The following PSTPIP2 variants were observed in gnomAD, a reference collection of about 807,000 sequenced individuals.
The protein encoded by PSTPIP2 is proline-serine-threonine phosphatase-interacting protein 2.
PSTPIP2 carries 33 observed loss-of-function variants against 63.3 expected under a neutral mutation model. The observed-to-expected ratio is 0.52, with a 90% CI of 0.40 to 0.70. The LOEUF is 0.70. PSTPIP2 is among the 30% of genes least tolerant of loss of function. PSTPIP2 has a pLI of 0.00. For synonymous variants in PSTPIP2, 125 were observed against 132.7 expected, an observed-to-expected ratio of 0.94 and a Z score of 0.40; for missense variants, 312 against 400.7, an observed-to-expected ratio of 0.78 and a Z score of 1.89.
chr18:46,064,979 T>C (rs2144136708), intron 1 of PSTPIP2, among the ~76,000 whole-genome samples: 2 of 151,528 alleles, frequency 1.3e-5, no homozygotes, highest in Admixed American at 1.3e-4. Context: ...ACCTCATCTC[T>C]ACTAAAAATA....
intron 3 of PSTPIP2, 81 bp from the exon 4 acceptor site, chr18:46,016,018 C>T: frequency 1.3e-6 from 2 of 1,482,172 alleles, no homozygotes; most frequent in East Asian, 4.8e-5. Flanking sequence ...GCATGCTTCT[C>T]TCTGCCCATA....
In PSTPIP2 at chr18:45,998,809, C is replaced by A. The variant is rs199673954; in HGVS notation, c.547G>T (p.Ala183Ser). ...GCCCCCTCACCTGAGTCCTCTACTG[C>A]GGTCTTTGAAGTTGCCAGTTTCACA... ...LFVKLATSKT[A>S]VEDSDKAYML... Residue 183 changes from alanine (A) to serine (S), a missense_variant, in exon 8 of 15, where the codon GCA (alanine) becomes TCA (serine). Physicochemically the swap from Ala to Ser is moderately conservative, Grantham distance 99 (BLOSUM62 1). Transcript: ENST00000409746. The A allele has an allele frequency of 4.4e-5, 71 of 1,613,778 alleles. No individual in the cohort carries two copies. The highest frequency in any genetic ancestry group is 1.3e-5 in the African/African-American group (1 of 74,848).
At chr18:46,057,441 C>T (rs1908799786) in intron 1 of PSTPIP2, among the ~76,000 whole-genome samples, 1 of 151,754 alleles carries the variant, frequency 6.6e-6, no homozygotes, top group East Asian at 2.0e-4. Flanking sequence ...GATTCTTCTG[C>T]CTCAGCCTCC....
intron 4 of PSTPIP2, 103 bp from the exon 5 acceptor site, chr18:46,011,390 G>C (rs1262127004): frequency 2.1e-6 from 2 of 931,408 alleles, no homozygotes; most frequent in Non-Finnish European, 3.2e-6. Flanking sequence ...ACTGGAGTAA[G>C]TGGTAAAATC....
chr18:46,025,518 A>G (rs989306474), intron 2 of PSTPIP2, among the ~76,000 whole-genome samples: 1 of 151,890 alleles, frequency 6.6e-6, no homozygotes, highest in Non-Finnish European at 1.5e-5. Context: ...TGTAACTTTC[A>G]TGTTTATGTA....
chr18:46,024,825 A>T (rs926421222), intron 2 of PSTPIP2, 139 bp from the exon 3 acceptor site: 2 of 661,378 alleles, frequency 3.0e-6, no homozygotes, highest in East Asian at 5.2e-5. Context: ...AAAATGCAAG[A>T]CTCCCTCTGT....
intron 5 of PSTPIP2, chr18:46,010,871 T>C (rs1599712223): frequency 4.1e-6 from 1 of 245,652 alleles, no homozygotes; most frequent in Admixed American, 4.9e-5. Flanking sequence ...CCAGCTGGGA[T>C]GTGCTAGAGT....
chr18:46,015,795 T>G, intron 4 of PSTPIP2, 108 bp downstream of exon 4: 2 of 1,277,466 alleles, frequency 1.6e-6, no homozygotes, highest in Non-Finnish European at 2.2e-6. Flanking sequence ...GCTCTAATTT[T>G]TTTTCACCCA....
In PSTPIP2 at chr18:46,024,630, G is replaced by A. The variant is rs752901804; in HGVS notation, c.191C>T (p.Pro64Leu). 9 of 1,613,920 alleles carry A rather than the reference G, an allele frequency of 5.6e-6. No homozygotes were observed. The highest frequency in any genetic ancestry group is 3.3e-5 in the Admixed American group (2 of 59,984). Residue 64 changes from proline to leucine, a missense_variant, in exon 3 of 15, where the codon CCG becomes CTG. Pro to Leu is a moderately conservative substitution (Grantham distance 98). Transcript: ENST00000409746. ...ATACTTGATTTCAGACTGTCCACAC[G>A]GCTTCTTCCTAGAGAGGTTGAGCAG... ...KDLLNLSRKK[P>L]CGQSEINTLK...
chr18:45,997,549 T>C (rs889160439), intron 9 of PSTPIP2, among the ~76,000 whole-genome samples, 200 bp downstream of exon 9: 3 of 151,578 alleles, frequency 2.0e-5, no homozygotes, highest in Admixed American at 1.3e-4. Context: ...GGGCAGATCA[T>C]TTCTACAAAA....
At chr18:46,003,657 T>C (rs1259878850) in intron 6 of PSTPIP2, among the ~76,000 whole-genome samples, 2 of 152,022 alleles carry the variant, frequency 1.3e-5, no homozygotes, top group Admixed American at 6.6e-5. Flanking sequence ...CAGTCTGTGA[T>C]AAATGAGGCA....
intron 1 of PSTPIP2, 142 bp from the exon 2 acceptor site, chr18:46,040,189 G>T (rs1908140844): frequency 3.6e-6 from 2 of 556,102 alleles, no homozygotes; most frequent in South Asian, 4.9e-5. Context: ...CCACTTAGGA[G>T]CCTGTCAGGC....
At chr18:46,040,901 G>C (rs1908167610) in intron 1 of PSTPIP2, 1 of 415,694 alleles carries the variant, frequency 2.4e-6, no homozygotes, top group Non-Finnish European at 4.9e-6. Flanking sequence ...GGCCAGGAGA[G>C]GGAGAAGGAG....
At chr18:46,044,573 A>G (rs1312911677) in intron 1 of PSTPIP2, among the ~76,000 whole-genome samples, 1 of 152,222 alleles carries the variant, frequency 6.6e-6, no homozygotes, top group Non-Finnish European at 1.5e-5. Flanking sequence ...AAACCTAGGC[A>G]TTACCATTCA....
chr18:46,057,861 G>T (rs1908822329), intron 1 of PSTPIP2, among the ~76,000 whole-genome samples: 1 of 151,768 alleles, frequency 6.6e-6, no homozygotes, highest in Admixed American at 6.6e-5. Context: ...AGCCGGGCGT[G>T]GTGGCGGGCG....
chr18:45,990,309 C>A (rs2051512751), intron 13 of PSTPIP2, among the ~76,000 whole-genome samples: 1 of 152,208 alleles, frequency 6.6e-6, no homozygotes, highest in Admixed American at 6.5e-5. Context: ...AATATAGGCT[C>A]ATTCTCTTGG....
At chr18:46,043,626 T>G (rs961076445) in intron 1 of PSTPIP2, among the ~76,000 whole-genome samples, 2 of 152,194 alleles carry the variant, frequency 1.3e-5, no homozygotes, top group African/African-American at 4.8e-5. Context: ...TCACTACTTC[T>G]ATTCAACACA....
chr18:46,037,915 T>A lies in PSTPIP2; in HGVS notation c.134+2032A>T, dbSNP rs1246689451. Among the ~76,000 whole-genome samples the A allele has an allele frequency of 2.6e-5, 4 of 152,260 alleles. No homozygotes were observed. The East Asian group carries it at 5.8e-4, about 22-fold the overall frequency. ...CAATATAAATAATCAACAATTTTTA[T>A]TCTCCATTTATTTCCTACTCTTATG... On this transcript the variant is annotated intron_variant, in intron 2 of 14. Coordinates refer to ENST00000409746, the MANE Select transcript of PSTPIP2 (RefSeq NM_024430.4).
In PSTPIP2 at chr18:46,040,695, C is replaced by T. The variant is rs560026692; in HGVS notation, c.34-648G>A. ...AGCAGACCCAAGTTCAGTAGGGTAACACTTTACCTCCAAGACACAGGTAGC... is the reference window on the plus strand; with the variant it reads ...AGCAGACCCAAGTTCAGTAGGGTAATACTTTACCTCCAAGACACAGGTAGC... On this transcript the variant is annotated intron_variant, in intron 1 of 14. Coordinates refer to ENST00000409746, the MANE Select transcript of PSTPIP2 (RefSeq NM_024430.4). Among the ~76,000 whole-genome samples the T allele has an allele frequency of 3.9e-5, 6 of 152,314 alleles. No homozygotes were observed. In the South Asian group the frequency reaches 1.2e-3, roughly 32 times the overall value.
Sources: allele counts gnomAD v4.1 joint callset (sites outside exome capture counted in the v4.1 genomes callset), GRCh38; gene constraint gnomAD v4.1.1; transcripts MANE v1.5; gene names NCBI Gene and HGNC (gene_info 2026-07-23, HGNC 2026-07-21).